Variants in DOCK11 observed in about 807,000 individuals in gnomAD.
The protein encoded by DOCK11 is dedicator of cytokinesis 11.
A neutral mutation model predicts 169.1 loss-of-function variants in DOCK11; 70 were observed. The ratio of observed to expected loss-of-function variants is 0.41; its 90% CI spans 0.34 to 0.51. The LOEUF is 0.51. DOCK11 is among the 20% of genes least tolerant of loss of function. The pLI is 0.10. For missense variants in DOCK11, 1,166 were observed against 1,538.8 expected (o/e 0.76, Z 4.05); for synonymous variants, 529 against 541.3 (o/e 0.98, Z 0.32).
At chrX:118,655,159 A>G (rs2016036448) in intron 44 of DOCK11, among the ~76,000 whole-genome samples, 198 bp downstream of exon 44, 1 of 111,689 alleles carries the variant, frequency 9.0e-6, no homozygotes, top group South Asian at 3.7e-4. Flanking sequence ...ATTAGAGATT[A>G]CAAGAAAAGT....
intron 3 of DOCK11, among the ~76,000 whole-genome samples, chrX:118,543,253 G>C (rs2012099294): frequency 9.0e-6 from 1 of 111,698 alleles, no homozygotes; most frequent in Non-Finnish European, 1.9e-5. Context: ...TCCACAAGGT[G>C]CATATGACCT....
At chrX:118,626,271 A>G (rs1371138486) in intron 32 of DOCK11, among the ~76,000 whole-genome samples, 12 of 108,286 alleles carry the variant, frequency 1.1e-4, no homozygotes, top group African/African-American at 4.0e-4. Context: ...GGGTTTCACC[A>G]TGTTGGCCAA....
At chrX:118,514,213 G>A (rs1166661528) in intron 1 of DOCK11, among the ~76,000 whole-genome samples, 2 of 109,285 alleles carry the variant, frequency 1.8e-5, no homozygotes, top group African/African-American at 6.7e-5. Context: ...CCTTCTGCCT[G>A]GACTGTAAGT....
chrX:118,568,033 T>C, intron 9 of DOCK11, 46 bp from the exon 10 acceptor site: 1 of 733,355 alleles, frequency 1.4e-6, no homozygotes, highest in East Asian at 3.6e-5. Flanking sequence ...TATTTAACAC[T>C]GTTTTGAAGG....
At chrX:118,606,496 T>G (rs1258404855) in intron 24 of DOCK11, among the ~76,000 whole-genome samples, 3 of 112,742 alleles carry the variant, frequency 2.7e-5, no homozygotes, top group Non-Finnish European at 3.7e-5. Flanking sequence ...TAAGGAAGTA[T>G]TATTTTTATG....
intron 18 of DOCK11, among the ~76,000 whole-genome samples, chrX:118,588,905 G>T (rs898789009): frequency 5.3e-5 from 6 of 112,362 alleles, no homozygotes; most frequent in African/African-American, 1.9e-4. Context: ...GCCAAATGGT[G>T]CCTCCAGTCT....
At chrX:118,510,650 A>G (rs771849344) in intron 1 of DOCK11, among the ~76,000 whole-genome samples, 3 of 111,284 alleles carry the variant, frequency 2.7e-5, no homozygotes, top group Non-Finnish European at 5.7e-5. Flanking sequence ...TTAAAAGAGA[A>G]AGCGATGGTT....
intron 23 of DOCK11, 138 bp downstream of exon 23, chrX:118,599,366 T>C: frequency 2.1e-6 from 1 of 472,164 alleles, no homozygotes; most frequent in South Asian, 3.5e-5. Flanking sequence ...CTTTCTATGA[T>C]GTATTTTTCC....
intron 40 of DOCK11, among the ~76,000 whole-genome samples, chrX:118,646,962 C>G (rs2015686730): frequency 9.2e-6 from 1 of 108,518 alleles, no homozygotes; most frequent in South Asian, 3.8e-4. Context: ...CTTGCCTAGA[C>G]CTAAAAGCAT....
At chrX:118,641,705 G>A (rs371390495) in intron 39 of DOCK11, among the ~76,000 whole-genome samples, 9 of 111,242 alleles carry the variant, frequency 8.1e-5, no homozygotes, top group East Asian at 5.6e-4. Context: ...TTCCCTAGGC[G>A]CGCACTTAGT....
chrX:118,646,275 A>T (rs1442530235), intron 40 of DOCK11, among the ~76,000 whole-genome samples: 1 of 110,949 alleles, frequency 9.0e-6, no homozygotes, highest in Non-Finnish European at 1.9e-5. Context: ...GCATCAACAT[A>T]CAAGTGGTAG....
Position 118,614,902 on chromosome X carries a change from G to A in DOCK11, c.3180+127G>A, listed in dbSNP as rs1051683371. 17 of 506,371 alleles carry A rather than the reference G, an allele frequency of 3.4e-5. 1 individual carries two copies. The South Asian group carries it at 4.2e-4, about 13-fold the overall frequency. 41.7% of individuals were successfully genotyped at this position (506,371 alleles called of 1,213,427 possible). ...TTAGGTAGTTGGACTATAGACATAC[G>A]TAAAAGCAAGGAATACTGGACTGTG... On this transcript the variant is annotated intron_variant, in intron 29 of 52. Coordinates refer to ENST00000276202, the MANE Select transcript of DOCK11 (RefSeq NM_144658.4).
At chrX:118,536,582 C>T (rs2011759995) in intron 1 of DOCK11, among the ~76,000 whole-genome samples, 1 of 111,703 alleles carries the variant, frequency 9.0e-6, no homozygotes, top group Non-Finnish European at 1.9e-5. Context: ...GAGGGACTCA[C>T]ACATTTTAGT....
intron 30 of DOCK11, among the ~76,000 whole-genome samples, chrX:118,616,926 C>T (rs758092339): frequency 9.0e-6 from 1 of 111,425 alleles, no homozygotes; most frequent in Non-Finnish European, 1.9e-5. Flanking sequence ...CCCCCTTATT[C>T]GATTCTGAAC....
intron 6 of DOCK11, among the ~76,000 whole-genome samples, chrX:118,552,487 C>G (rs1425478345): frequency 8.9e-6 from 1 of 112,277 alleles, no homozygotes; most frequent in African/African-American, 3.2e-5. Flanking sequence ...CAATATATAG[C>G]TTTCCCCCTG....
chrX:118,534,858 C>T (rs933243609), intron 1 of DOCK11, among the ~76,000 whole-genome samples: 1 of 111,790 alleles, frequency 8.9e-6, no homozygotes, highest in Non-Finnish European at 1.9e-5. Context: ...TTGACAATAG[C>T]GTACTGTTGT....
chrX:118,503,142 C>G (rs746573205), intron 1 of DOCK11, among the ~76,000 whole-genome samples: 3 of 104,693 alleles, frequency 2.9e-5, no homozygotes, highest in African/African-American at 1.1e-4. Flanking sequence ...TCACTGCAAC[C>G]TCTGCCTCCC....
At chrX:118,650,134 C>T (rs895660479) in intron 41 of DOCK11, among the ~76,000 whole-genome samples, 2 of 111,303 alleles carry the variant, frequency 1.8e-5, no homozygotes, top group East Asian at 5.6e-4. Flanking sequence ...CCTTACATGC[C>T]CTGTGACCCT....
intron 35 of DOCK11, chrX:118,632,798 T>TA (rs2015277017): frequency 9.1e-6 from 1 of 110,245 alleles, no homozygotes; most frequent in African/African-American, 3.3e-5. Flanking sequence ...TTCAAAGTCT[T>TA]AGATTCATTT....
Sources: allele counts gnomAD v4.1 joint callset (sites outside exome capture counted in the v4.1 genomes callset), GRCh38; gene constraint gnomAD v4.1.1; transcripts MANE v1.5; gene names NCBI Gene and HGNC (gene_info 2026-07-23, HGNC 2026-07-21).